Variants in STAM2 observed in about 807,000 individuals in gnomAD.
The protein encoded by STAM2 is signal transducing adaptor molecule 2.
A neutral mutation model predicts 65.6 loss-of-function variants in STAM2; 51 were observed. The ratio of observed to expected loss-of-function variants is 0.78; its 90% CI spans 0.62 to 0.98. The LOEUF (loss-of-function observed/expected upper bound fraction) is 0.98. Among genes scored for constraint, STAM2 ranks in the 50% least tolerant of loss-of-function variants. The pLI, the probability that STAM2 is intolerant of heterozygous loss-of-function variation, is 0.00. For missense variants in STAM2, 584 were observed against 617.8 expected (o/e 0.95, Z 0.58); for synonymous variants, 198 against 208.4 (o/e 0.95, Z 0.43).
chr2:152,160,543 G>A (rs1213280784), intron 1 of STAM2, among the ~76,000 whole-genome samples: 3 of 151,440 alleles, frequency 2.0e-5, no homozygotes, highest in South Asian at 2.1e-4. Context: ...CAGCCACCGC[G>A]TCCGGGAGGG....
In STAM2 at chr2:152,132,087, T is replaced by G. The variant is rs754508782; in HGVS notation, c.1025+27A>C. On this transcript the variant is annotated intron_variant, in intron 11 of 13. Coordinates refer to ENST00000263904, the MANE Select transcript of STAM2 (RefSeq NM_005843.6). The stretch of plus-strand genomic sequence containing the variant: ...ACAAGTGAACCCCCCAAAACTATAC[T>G]TTTTATTCCTGCACGAAAAATCTCA... 6 of 1,550,616 alleles carry G rather than the reference T, an allele frequency of 3.9e-6. No homozygotes were observed. The Admixed American group carries it at 5.3e-5, about 14-fold the overall frequency.
At chr2:152,146,271 C>CAAAAAA (rs201803866) in intron 5 of STAM2, among the ~76,000 whole-genome samples, 3 of 97,182 alleles carry the variant, frequency 3.1e-5, no homozygotes, top group African/African-American at 1.2e-4. Context: ...AACTCCATCT[C>CAAAAAA]AAAAAAAAAA....
chr2:152,166,745 T>G (rs2105567786), intron 1 of STAM2, among the ~76,000 whole-genome samples: 1 of 152,278 alleles, frequency 6.6e-6, no homozygotes, highest in African/African-American at 2.4e-5. Flanking sequence ...ACCAAAACAC[T>G]GCACATGCTA....
At chr2:152,138,806 T>G (rs1390002163) in intron 7 of STAM2, among the ~76,000 whole-genome samples, 4 of 152,236 alleles carry the variant, frequency 2.6e-5, no homozygotes, top group African/African-American at 9.6e-5. Context: ...ATTTTTAAGT[T>G]AACTTTTCAT....
intron 2 of STAM2, among the ~76,000 whole-genome samples, chr2:152,148,646 G>A (rs1579324139): frequency 6.6e-6 from 1 of 152,070 alleles, no homozygotes; most frequent in East Asian, 1.9e-4. Flanking sequence ...CTGGATGACA[G>A]AGACCGTGTC....
At chr2:152,166,621 G>A (rs1689791034) in intron 1 of STAM2, among the ~76,000 whole-genome samples, 1 of 151,664 alleles carries the variant, frequency 6.6e-6, no homozygotes, top group Non-Finnish European at 1.5e-5. Context: ...AAATATAAAG[G>A]TTTATTCATT....
At chr2:152,133,032 T>C in intron 10 of STAM2, 141 bp downstream of exon 10, 1 of 291,774 alleles carries the variant, frequency 3.4e-6, no homozygotes, top group Non-Finnish European at 6.1e-6. Flanking sequence ...GTAATACTTT[T>C]ACTATTTTAC....
chr2:152,143,647 A>AT (rs1273139378), intron 7 of STAM2, among the ~76,000 whole-genome samples, 180 bp downstream of exon 7: 7 of 152,216 alleles, frequency 4.6e-5, no homozygotes, highest in African/African-American at 1.7e-4. Flanking sequence ...AACAAACATA[A>AT]ATTATCAAAT....
At chr2:152,121,327 A>T (rs1329379587) in intron 13 of STAM2, among the ~76,000 whole-genome samples, 1 of 152,178 alleles carries the variant, frequency 6.6e-6, no homozygotes, top group African/African-American at 2.4e-5. Flanking sequence ...GAAAACAAAC[A>T]AAATGTAAGA....
intron 11 of STAM2, chr2:152,131,661 G>T: frequency 5.2e-6 from 1 of 191,390 alleles, no homozygotes; most frequent in South Asian, 1.1e-4. Flanking sequence ...AAGATGATCA[G>T]AAAAGGCAAA....
At chr2:152,160,011 G>T (rs1037262447) in intron 1 of STAM2, among the ~76,000 whole-genome samples, 1 of 152,244 alleles carries the variant, frequency 6.6e-6, no homozygotes, top group Admixed American at 6.5e-5. Flanking sequence ...GATTGCAGAC[G>T]GAGGCTCCTT....
At chr2:152,166,949 C>T (rs184974105) in intron 1 of STAM2, among the ~76,000 whole-genome samples, 9 of 152,188 alleles carry the variant, frequency 5.9e-5, no homozygotes, top group East Asian at 1.9e-4. Context: ...GTACGTTTAC[C>T]GACCAAGAAA....
In STAM2 at chr2:152,175,731, G is replaced by T; in HGVS notation, c.-89C>A. Reference sequence around the variant, plus strand: ...GGTGACCCGCGGCCGCGGCTCCCTAGACCGCTCCGCTTCGGCCTCCGTCCC... The same window carrying T: ...GGTGACCCGCGGCCGCGGCTCCCTATACCGCTCCGCTTCGGCCTCCGTCCC... On this transcript the variant is annotated 5_prime_UTR_variant, in exon 1 of 14. Transcript: ENST00000263904. 7.0e-7 allele frequency: 1 copy of T among 1,425,350 alleles called. No homozygotes were observed. Among genetic ancestry groups the T allele is most frequent in the South Asian group, 1.2e-5 (1 of 82,000 alleles). The allele number at this position is 1,425,350 out of a possible 1,614,324, so 88.3% of individuals were successfully genotyped here.
In STAM2 at chr2:152,133,216, T is replaced by C; in HGVS notation, c.927A>G (p.Pro309=). The change falls in exon 10 of 14, where the codon CCA becomes CCG. Residue 309 remains proline (P), a synonymous_variant. Coordinates refer to ENST00000263904, the MANE Select transcript of STAM2 (RefSeq NM_005843.6). ...CTTGGGAGTCTGGTTTTGAATCTGT[T>C]GGATCTATACTCTGAAGTACCTGCA... ...RALQVLQSID[P]TDSKPDSQDL... 1 of 1,605,822 alleles carries C rather than the reference T, an allele frequency of 6.2e-7. No individual in the cohort carries two copies. The highest frequency in any genetic ancestry group is 1.3e-5 in the African/African-American group (1 of 74,574).
intron 1 of STAM2, among the ~76,000 whole-genome samples, chr2:152,156,393 T>C (rs1055910699): frequency 1.3e-5 from 2 of 152,112 alleles, no homozygotes; most frequent in African/African-American, 2.4e-5. Flanking sequence ...CCCTGGAAAA[T>C]TTTAAATATT....
At chr2:152,150,478 T>C (rs995606174) in intron 1 of STAM2, among the ~76,000 whole-genome samples, 2 of 152,188 alleles carry the variant, frequency 1.3e-5, no homozygotes, top group Non-Finnish European at 2.9e-5. Flanking sequence ...AATAATCCCA[T>C]CAAATTCTAA....
intron 1 of STAM2, among the ~76,000 whole-genome samples, chr2:152,151,273 C>A (rs1193201565): frequency 6.6e-6 from 1 of 151,834 alleles, no homozygotes; most frequent in Non-Finnish European, 1.5e-5. Flanking sequence ...CCTCCACCTC[C>A]CAGGTTCAAG....
intron 1 of STAM2, among the ~76,000 whole-genome samples, chr2:152,164,215 T>C (rs1473005331): frequency 6.6e-6 from 1 of 152,092 alleles, no homozygotes; most frequent in Non-Finnish European, 1.5e-5. Flanking sequence ...TTAGGAAAAA[T>C]AGAACCTATG....
chr2:152,137,601 G>C (rs886075493), intron 7 of STAM2, among the ~76,000 whole-genome samples: 1 of 152,068 alleles, frequency 6.6e-6, no homozygotes, highest in Admixed American at 6.6e-5. Context: ...TTCTTTAACT[G>C]TACAGTGGTT....
Sources: gnomAD v4.1 joint callset for allele counts (sites outside exome capture counted in the v4.1 genomes callset) on GRCh38, gnomAD v4.1.1 for gene constraint, MANE v1.5 for transcripts, NCBI Gene and HGNC (gene_info 2026-07-23, HGNC 2026-07-21) for gene names.